TCHP: variants seen among roughly 807,000 people sequenced by gnomAD.
TCHP encodes trichoplein keratin filament-binding protein.
A neutral mutation model predicts 88.7 loss-of-function variants in TCHP; 81 were observed. The observed-to-expected ratio is 0.91, with a 90% CI of 0.76 to 1.10. TCHP has a LOEUF of 1.10. TCHP is among the 50% of genes least tolerant of loss of function. The pLI, the probability that TCHP is intolerant of heterozygous loss-of-function variation, is 0.00. For synonymous variants in TCHP, 232 were observed against 232.5 expected, an observed-to-expected ratio of 1.00 and a Z score of 0.02; for missense variants, 641 against 632.1, an observed-to-expected ratio of 1.01 and a Z score of -0.15.
the TCHP span, among the ~76,000 whole-genome samples, chr12:109,888,667 A>G: frequency 1.3e-5 from 2 of 152,334 alleles, no homozygotes; most frequent in African/African-American, 4.8e-5. Flanking sequence ...TTATTGCAGC[A>G]TAGTAATAAT....
In TCHP at chr12:109,904,006, G is replaced by A; in HGVS notation, c.258G>A (p.Lys86=). Residue 86 remains lysine, a synonymous_variant, in exon 3 of 13, where the codon AAG becomes AAA. Transcript: ENST00000405876. ...GGAGTCTGGAGGCCCGACGGGAAAA[G>A]CTCAGGCAGCTCATGCAGGAGGAGC... is the stretch of plus-strand genomic sequence containing the variant. ...KRRSLEARRE[K]LRQLMQEEQD... 1 of 1,610,726 alleles carries A rather than the reference G, an allele frequency of 6.2e-7. No individual in the cohort carries two copies. The highest frequency in any genetic ancestry group is 8.5e-7 in the Non-Finnish European group (1 of 1,178,566).
the TCHP span, among the ~76,000 whole-genome samples, chr12:109,890,748 G>C: frequency 6.6e-6 from 1 of 152,130 alleles, no homozygotes; most frequent in Non-Finnish European, 1.5e-5. Context: ...GACCTCAGGT[G>C]ATCCACCTGT....
Position 109,911,164 on chromosome 12 carries a change from G to A in TCHP, c.981G>A (p.Trp327Ter). 2 of 1,595,016 alleles carry A rather than the reference G, an allele frequency of 1.3e-6. No individual in the cohort carries two copies. The highest frequency in any genetic ancestry group is 1.1e-5 in the South Asian group (1 of 87,738). Residue 327 changes from tryptophan (W) to a stop codon, truncating the protein, a stop_gained, in exon 9 of 13, where the codon TGG (tryptophan) becomes TGA (stop). Transcript: ENST00000405876. LOFTEE classifies it high-confidence loss of function. ...RREQVMADVA[W>*]MKQAIEEQLQ... Reference sequence around the variant, plus strand: ...AGCAGGTCATGGCCGATGTGGCCTGGATGAAGCAGGCCATTGAGGAGCAGC... The same window carrying A: ...AGCAGGTCATGGCCGATGTGGCCTGAATGAAGCAGGCCATTGAGGAGCAGC...
chr12:109,897,775 A>G (rs1464527877), upstream of TCHP, among the ~76,000 whole-genome samples: 1 of 152,054 alleles, frequency 6.6e-6, no homozygotes, highest in Admixed American at 6.6e-5. Context: ...CCAGGCTGGT[A>G]TCGAACTCCT....
chr12:109,899,271 A>C (rs1869652162), upstream of TCHP, among the ~76,000 whole-genome samples: 1 of 152,252 alleles, frequency 6.6e-6, no homozygotes, highest in African/African-American at 2.4e-5. Flanking sequence ...GGCATGTAAT[A>C]CTTGTAGCAC....
the TCHP span, among the ~76,000 whole-genome samples, chr12:109,891,571 T>G: frequency 1.4e-5 from 2 of 147,394 alleles, no homozygotes; most frequent in South Asian, 2.1e-4. Context: ...TTTTTTGGGT[T>G]TTTTTTTTTT....
chr12:109,884,741 G>T, the TCHP span, among the ~76,000 whole-genome samples: 1 of 152,076 alleles, frequency 6.6e-6, no homozygotes, highest in Non-Finnish European at 1.5e-5. Context: ...TCACACAAAA[G>T]TTACAACTAC....
At chr12:109,902,953 A>T in intron 1 of TCHP, 74 bp from the exon 2 acceptor site, 1 of 1,325,366 alleles carries the variant, frequency 7.5e-7, no homozygotes, top group Non-Finnish European at 1.0e-6. Flanking sequence ...ACCACTCGTT[A>T]AAGGGATGAG....
chr12:109,911,003 G>C (rs2136078336), intron 8 of TCHP, 60 bp from the exon 9 acceptor site: 1 of 1,444,400 alleles, frequency 6.9e-7, no homozygotes. Flanking sequence ...CCCTCTGTAG[G>C]CTCTCATTGC....
At chr12:109,909,038 G>A in intron 8 of TCHP, 101 bp downstream of exon 8, 1 of 1,144,918 alleles carries the variant, frequency 8.7e-7, no homozygotes, top group Non-Finnish European at 1.3e-6. Flanking sequence ...AATGAAGACA[G>A]TGAGGGGTTG....
intron 12 of TCHP, among the ~76,000 whole-genome samples, chr12:109,915,902 G>A (rs1271598520): frequency 1.3e-5 from 2 of 152,166 alleles, no homozygotes; most frequent in Non-Finnish European, 2.9e-5. Flanking sequence ...AGTGAAGCCC[G>A]ATGAACAAGA....
upstream of TCHP, among the ~76,000 whole-genome samples, chr12:109,899,422 G>A (rs1027664828): frequency 2.6e-5 from 4 of 152,176 alleles, no homozygotes; most frequent in South Asian, 2.1e-4. Flanking sequence ...GGCGCATCAC[G>A]AGGTCAGGAG....
chr12:109,915,904 T>C lies in TCHP; in HGVS notation c.1464+358T>C, dbSNP rs185175578. ...CAACTGTTGAGACAGTGAAGCCCGA[T>C]GAACAAGAGACCAGTCCTCCTCCTC... On this transcript the variant is annotated intron_variant, in intron 12 of 12. Transcript: ENST00000405876. Among the ~76,000 whole-genome samples, 714 of 152,310 alleles carry C rather than the reference T, an allele frequency of 4.7e-3. 8 individuals carry two copies. Among genetic ancestry groups the C allele is most frequent in the African/African-American group, 0.017 (692 of 41,560 alleles).
Position 109,908,503 on chromosome 12 carries a change from G to A in TCHP, c.700-83G>A, listed in dbSNP as rs79285128. 11,079 of 1,248,056 alleles carry A rather than the reference G, an allele frequency of 8.9e-3. 55 individuals carry two copies. Among genetic ancestry groups the A allele is most frequent in the Non-Finnish European group, 0.01 (8,881 of 873,982 alleles). 77.3% of individuals were successfully genotyped at this position (1,248,056 alleles called of 1,614,324 possible). A position where few individuals can be genotyped will look rare whatever the true frequency, so the allele number is the denominator to read the frequency against. ...AGGCCTCTGTTGGTGTAGTGTCTGCGAAAAATGGAGATGGAGAATGAAGGA... is the reference window on the plus strand; with the variant it reads ...AGGCCTCTGTTGGTGTAGTGTCTGCAAAAAATGGAGATGGAGAATGAAGGA... On this transcript the variant is annotated intron_variant, in intron 6 of 12. Transcript: ENST00000405876.
intron 8 of TCHP, among the ~76,000 whole-genome samples, chr12:109,910,465 C>T (rs1870422751): frequency 1.3e-5 from 2 of 152,084 alleles, no homozygotes; most frequent in African/African-American, 2.4e-5. Flanking sequence ...CATAGGTGTA[C>T]ATCACAATGC....
At position 109,917,242 on chromosome 12, in the gene TCHP, A is replaced by G. The variant is rs1395257204; in HGVS notation, c.*619A>G. On this transcript the variant is annotated 3_prime_UTR_variant, in exon 13 of 13. Transcript: ENST00000405876. ...GCAAGAGATGAGTCTTTCCTCCTCC[A>G]GGAAGCATTTTGGTAGAATTTCCAT... 1 of 152,230 alleles carries G rather than the reference A, an allele frequency of 6.6e-6. No individual in the cohort carries two copies. The highest frequency in any genetic ancestry group is 2.4e-5 in the African/African-American group (1 of 41,450). The allele number at this position is 152,230 out of a possible 1,614,324, so 9.4% of individuals were successfully genotyped here.
At chr12:109,899,973 T>G (rs1869682602), upstream of TCHP, among the ~76,000 whole-genome samples, 1 of 151,974 alleles carries the variant, frequency 6.6e-6, no homozygotes, top group Non-Finnish European at 1.5e-5. Flanking sequence ...TTTAAAAAAT[T>G]TTTTAGAGAC....
the TCHP span, among the ~76,000 whole-genome samples, chr12:109,894,233 C>T: frequency 1.3e-5 from 2 of 149,398 alleles, no homozygotes; most frequent in Non-Finnish European, 3.0e-5. Flanking sequence ...CCGAGGCGGG[C>T]GGATCACGAG....
Position 109,908,926 on chromosome 12 carries a change from C to A in TCHP, c.868C>A (p.Gln290Lys). The A allele has an allele frequency of 6.2e-7, 1 of 1,614,194 alleles. No homozygotes were observed. The highest frequency in any genetic ancestry group is 8.5e-7 in the Non-Finnish European group (1 of 1,180,038). Reference protein sequence around the residue: ...AQLSRRTQQIQEELEADRRIL... With the variant: ...AQLSRRTQQIKEELEADRRIL... ...ACTCAGCAGACGCACACAGCAGATC[C>A]AAGAGGAGCTGGTAAGTCTGAAGAG... Residue 290 changes from glutamine to lysine, a missense_variant, in exon 8 of 13, where the codon CAA (glutamine) becomes AAA (lysine). By Grantham distance (53) the Gln-to-Lys change is moderately conservative (BLOSUM62 1). Transcript: ENST00000405876.
Sources: allele counts gnomAD v4.1 joint callset (sites outside exome capture counted in the v4.1 genomes callset), GRCh38; gene constraint gnomAD v4.1.1; transcripts MANE v1.5; gene names NCBI Gene and HGNC (gene_info 2026-07-23, HGNC 2026-07-21).